The following ARHGEF4 variants were observed in gnomAD, a reference collection of about 807,000 sequenced individuals.
ARHGEF4 encodes APC-stimulated guanine nucleotide exchange factor 1.
In ARHGEF4, 119 loss-of-function variants were observed where a neutral mutation model predicts 162.0. The ratio of observed to expected loss-of-function variants is 0.73; its 90% CI spans 0.63 to 0.86. The LOEUF (loss-of-function observed/expected upper bound fraction) is 0.86. Among genes scored for constraint, ARHGEF4 ranks in the 40% least tolerant of loss-of-function variants. The probability of loss-of-function intolerance (pLI) is 0.00; values close to 1 mark genes in which losing one functional copy is unlikely to be tolerated. For synonymous variants in ARHGEF4, 1,014 were observed against 979.9 expected, an observed-to-expected ratio of 1.03 and a Z score of -0.65; for missense variants, 2,488 against 2,456.0, an observed-to-expected ratio of 1.01 and a Z score of -0.28.
rs1047872004 is a variant in ARHGEF4 at position 130,916,197 on chromosome 2, C to T, written c.2251C>T (p.Pro751Ser). 6.5e-7 allele frequency: 1 copy of T among 1,547,406 alleles called. No individual in the cohort carries two copies. Among genetic ancestry groups the T allele is most frequent in the Non-Finnish European group, 8.7e-7 (1 of 1,146,446 alleles). ...SRSSGSGERG[P>S]EEAPEGGAAA... ...GAGCTCCGGGTCAGGGGAGCGTGGC[C>T]CGGAGGAGGCCCCCGAAGGCGGTGC... is the stretch of plus-strand genomic sequence containing the variant. The change falls in exon 2 of 14, where the codon CCG becomes TCG. Residue 751 changes from proline to serine, a missense_variant. Pro to Ser is a moderately conservative substitution (Grantham distance 74). This residue lies in a region of ARHGEF4 where 1,642 missense variants were observed against 1,481.5 expected (regional missense o/e 1.11). Transcript: ENST00000409359.
chr2:130,984,414 G>T (rs1472210085), intron 4 of ARHGEF4, among the ~76,000 whole-genome samples: 1 of 152,212 alleles, frequency 6.6e-6, no homozygotes, highest in Non-Finnish European at 1.5e-5. Flanking sequence ...TTTATGGCCA[G>T]GCGCAGTGGC....
Position 130,917,200 on chromosome 2 carries a change from C to T in ARHGEF4, c.3254C>T (p.Thr1085Met), listed in dbSNP as rs1681553682. The T allele has an allele frequency of 2.6e-6, 4 of 1,550,524 alleles. No individual in the cohort carries two copies. Among genetic ancestry groups the T allele is most frequent in the East Asian group, 4.9e-5 (2 of 40,890 alleles). Residue 1085 changes from threonine (T) to methionine (M), a missense_variant, in exon 2 of 14, where the codon ACG (threonine) becomes ATG (methionine). Physicochemically the swap from Thr to Met is moderately conservative, Grantham distance 81. Transcript: ENST00000409359. ...TGCCTGGCATATGAAAACCCCGGGA[C>T]GCCCTGCAGACCCACGAGCCCCAAG... ...ACCLAYENPG[T>M]PCRPTSPKPL... is the part of the protein sequence containing the mutation.
rs556966192 is a variant in ARHGEF4, at chr2:130,927,845, G to A, written c.3553-3107G>A. Among the ~76,000 whole-genome samples the A allele has an allele frequency of 3.9e-5, 6 of 152,256 alleles. No homozygotes were observed. The East Asian group carries it at 7.7e-4, about 20-fold the overall frequency. ...ATACATAATGTCTTAGGTTTTTAGC[G>A]GTGCTTAGTGAAACAAACAGGAAGT... On this transcript the variant is annotated intron_variant, in intron 2 of 13. Transcript: ENST00000409359.
intron 8 of ARHGEF4, 22 bp downstream of exon 8, chr2:131,040,462 C>A: frequency 6.6e-7 from 1 of 1,525,032 alleles, no homozygotes; most frequent in Admixed American, 2.1e-5. Flanking sequence ...GCCCCCGGCC[C>A]CTACCTGGGC....
intron 3 of ARHGEF4, among the ~76,000 whole-genome samples, chr2:130,943,798 A>C (rs1289789606): frequency 2.6e-5 from 4 of 152,144 alleles, no homozygotes; most frequent in Non-Finnish European, 4.4e-5. Context: ...TAATATTATA[A>C]TTTTGTGTTT....
intron 4 of ARHGEF4, chr2:131,011,783 T>G: frequency 1.1e-6 from 1 of 878,528 alleles, no homozygotes; most frequent in Non-Finnish European, 1.8e-6. Flanking sequence ...AGGAATGATG[T>G]GATTTATTGT....
intron 4 of ARHGEF4, among the ~76,000 whole-genome samples, chr2:130,982,740 C>CT (rs1427707246): frequency 6.6e-6 from 1 of 152,104 alleles, no homozygotes. Flanking sequence ...ATATATATAA[C>CT]TTTTTTCACA....
At chr2:130,845,384 C>G (rs1464622883) in intron 1 of ARHGEF4, among the ~76,000 whole-genome samples, 16 of 152,030 alleles carry the variant, frequency 1.1e-4, no homozygotes, top group Non-Finnish European at 2.4e-4. Context: ...GGTGCACACA[C>G]CTGTAGTCCC....
chr2:130,957,560 C>A (rs1159533115), intron 4 of ARHGEF4, among the ~76,000 whole-genome samples: 1 of 152,116 alleles, frequency 6.6e-6, no homozygotes, highest in East Asian at 1.9e-4. Context: ...TTGATAACTG[C>A]AAATATACTA....
chr2:130,951,783 C>A (rs1013919355), intron 4 of ARHGEF4, among the ~76,000 whole-genome samples: 1 of 152,060 alleles, frequency 6.6e-6, no homozygotes, highest in Non-Finnish European at 1.5e-5. Flanking sequence ...AGCTTAATTC[C>A]AGTAATATAT....
intron 1 of ARHGEF4, among the ~76,000 whole-genome samples, chr2:130,850,952 G>A (rs918876478): frequency 6.6e-6 from 1 of 152,254 alleles, no homozygotes; most frequent in Non-Finnish European, 1.5e-5. Flanking sequence ...CAGGCCCTCG[G>A]TATAGCCTGG....
intron 4 of ARHGEF4, among the ~76,000 whole-genome samples, chr2:130,999,398 C>T (rs1000359406): frequency 3.9e-5 from 6 of 152,014 alleles, no homozygotes; most frequent in African/African-American, 9.7e-5. Context: ...CCTTGTGATC[C>T]GCCCGCCTTG....
Position 131,009,894 on chromosome 2 carries a change from G to A in ARHGEF4, c.3986-18051G>A, listed in dbSNP as rs560883092. On this transcript the variant is annotated intron_variant, in intron 4 of 13. Transcript: ENST00000409359. ...TTTCTTCATATGTCTAGTAAATTTC[G>A]ATTGTATGTTGGCTATTGAATAGTT... is the stretch of plus-strand genomic sequence containing the variant. Among the ~76,000 whole-genome samples, 18 of 152,240 alleles carry A rather than the reference G, an allele frequency of 1.2e-4. No homozygotes were observed. The East Asian group carries it at 3.1e-3, about 26-fold the overall frequency.
At chr2:130,977,826 A>G (rs1685857632) in intron 4 of ARHGEF4, among the ~76,000 whole-genome samples, 1 of 152,150 alleles carries the variant, frequency 6.6e-6, no homozygotes, top group South Asian at 2.1e-4. Context: ...GCTGCCCACC[A>G]CACAGAAAGC....
chr2:130,868,158 G>A (rs1682432967), intron 1 of ARHGEF4, among the ~76,000 whole-genome samples: 1 of 151,772 alleles, frequency 6.6e-6, no homozygotes, highest in East Asian at 2.0e-4. Context: ...ATCTCCCGAC[G>A]TCGTGATCCG....
chr2:130,985,769 G>T (rs542599687), intron 4 of ARHGEF4, among the ~76,000 whole-genome samples: 14 of 151,814 alleles, frequency 9.2e-5, no homozygotes, highest in African/African-American at 3.4e-4. Context: ...TGTGTGTTTT[G>T]CATGCATGAT....
intron 4 of ARHGEF4, among the ~76,000 whole-genome samples, chr2:130,962,911 G>C (rs928659134): frequency 6.6e-6 from 1 of 152,144 alleles, no homozygotes; most frequent in Non-Finnish European, 1.5e-5. Context: ...GTCTCCCACA[G>C]TTTTTCACCT....
At chr2:130,991,482 C>T (rs1196054994) in intron 4 of ARHGEF4, among the ~76,000 whole-genome samples, 1 of 152,180 alleles carries the variant, frequency 6.6e-6, no homozygotes, top group Non-Finnish European at 1.5e-5. Context: ...CTGTGTGCGG[C>T]GCTTGCGGGC....
chr2:130,892,874 G>A (rs1679937979), intron 1 of ARHGEF4, among the ~76,000 whole-genome samples: 2 of 152,142 alleles, frequency 1.3e-5, no homozygotes, highest in Admixed American at 6.5e-5. Flanking sequence ...ACTCTCCCAC[G>A]CCTGGGGTCC....
Sources: gnomAD v4.1 joint callset for allele counts (sites outside exome capture counted in the v4.1 genomes callset) on GRCh38, gnomAD v4.1.1 for gene constraint, gnomAD v4.1.1 regional missense constraint, MANE v1.5 for transcripts, NCBI Gene and HGNC (gene_info 2026-07-23, HGNC 2026-07-21) for gene names.